Variants in CHID1 observed in about 807,000 individuals in gnomAD.
CHID1 encodes the protein chitinase domain containing 1.
Under a neutral mutation model 55.4 loss-of-function variants are expected in CHID1, and 44 were observed. The ratio of observed to expected loss-of-function variants is 0.79; its 90% CI spans 0.62 to 1.02. The LOEUF is 1.02. CHID1 is among the 50% of genes least tolerant of loss of function. The pLI is 0.00. For missense variants in CHID1, 491 were observed against 515.3 expected (o/e 0.95, Z 0.46); for synonymous variants, 216 against 212.9 (o/e 1.01, Z -0.13).
At chr11:873,121 A>T (rs1565160484) in intron 10 of CHID1, among the ~76,000 whole-genome samples, 1 of 152,240 alleles carries the variant, frequency 6.6e-6, no homozygotes, top group East Asian at 1.9e-4. Context: ...GTGTGTGCCC[A>T]GCTCCCAAAA....
chr11:900,882 C>T (rs1358193330), intron 5 of CHID1, 54 bp downstream of exon 5: 15 of 1,509,158 alleles, frequency 9.9e-6, no homozygotes, highest in African/African-American at 1.4e-5. Flanking sequence ...GCCCACCTGT[C>T]CACCCCCGCA....
At chr11:886,491 C>A (rs1306726697) in intron 8 of CHID1, among the ~76,000 whole-genome samples, 1 of 152,156 alleles carries the variant, frequency 6.6e-6, no homozygotes. Flanking sequence ...GTGCTTGTGT[C>A]CCCACAAATG....
intron 7 of CHID1, among the ~76,000 whole-genome samples, chr11:895,724 G>C (rs1200823385): frequency 6.6e-6 from 1 of 152,158 alleles, no homozygotes; most frequent in Non-Finnish European, 1.5e-5. Flanking sequence ...GCTGAGCCCA[G>C]TCTCGGGCCT....
chr11:893,402 C>T, intron 8 of CHID1, 25 bp downstream of exon 8: 2 of 1,538,376 alleles, frequency 1.3e-6, no homozygotes, highest in Admixed American at 2.0e-5. Flanking sequence ...CACAGCCACC[C>T]CCACATCTCA....
At chr11:884,045 G>A (rs760023779) in intron 9 of CHID1, 23 bp downstream of exon 9, 15 of 1,587,296 alleles carry the variant, frequency 9.5e-6, no homozygotes, top group South Asian at 2.2e-5. Flanking sequence ...CTGTGCCCAG[G>A]AGCCCCCCAA....
chr11:869,589 G>A lies in CHID1; in HGVS notation c.*269C>T, dbSNP rs1849030360. ...AGGCTGTCCTGGTGGGGCAGGTACT[G>A]TGGGCCCCGCCTGCCCAGCTGACAG... On this transcript the variant is annotated 3_prime_UTR_variant, in exon 13 of 13. Coordinates refer to ENST00000323578, the MANE Select transcript of CHID1 (RefSeq NM_023947.4). 1 of 564,842 alleles carries A rather than the reference G, an allele frequency of 1.8e-6. No homozygotes were observed. Among genetic ancestry groups the A allele is most frequent in the Non-Finnish European group, 3.2e-6 (1 of 315,522 alleles). The allele number at this position is 564,842 out of a possible 1,614,324, so 35.0% of individuals were successfully genotyped here.
chr11:914,310 T>A, upstream of CHID1: 1 of 223,826 alleles, frequency 4.5e-6, no homozygotes, highest in Non-Finnish European at 9.2e-6. Flanking sequence ...TTACCCGGGG[T>A]GGGTGTGGAG....
chr11:902,693 C>T (rs934045076), intron 3 of CHID1, among the ~76,000 whole-genome samples: 1 of 152,204 alleles, frequency 6.6e-6, no homozygotes, highest in East Asian at 1.9e-4. Context: ...CATCCACTTC[C>T]TGACCCCAGA....
At chr11:887,844 G>A (rs907552078) in intron 8 of CHID1, among the ~76,000 whole-genome samples, 1 of 152,178 alleles carries the variant, frequency 6.6e-6, no homozygotes, top group Non-Finnish European at 1.5e-5. Context: ...CCACCTCATG[G>A]CCTTGGCCAC....
intron 7 of CHID1, among the ~76,000 whole-genome samples, chr11:898,176 C>T (rs1851520272): frequency 6.6e-6 from 1 of 152,228 alleles, no homozygotes; most frequent in Non-Finnish European, 1.5e-5. Flanking sequence ...TGTCCCTTCC[C>T]TCCCTCAAGC....
chr11:883,570 C>T (rs1850163752), intron 9 of CHID1, among the ~76,000 whole-genome samples: 1 of 152,184 alleles, frequency 6.6e-6, no homozygotes, highest in African/African-American at 2.4e-5. Flanking sequence ...GATCACCCAT[C>T]AGAAAGGGCT....
Position 899,323 on chromosome 11 carries a change from C to A in CHID1, c.608+17G>T. ...GGCCAGGAGGAGGGCCACCCACCAC[C>A]ACCTGTGCCCACTCACACGCGCTTC... On this transcript the variant is annotated intron_variant, in intron 7 of 12. Coordinates refer to ENST00000323578, the MANE Select transcript of CHID1 (RefSeq NM_023947.4). The A allele has an allele frequency of 1.3e-6, 2 of 1,591,592 alleles. No homozygotes were observed. The highest frequency in any genetic ancestry group is 1.1e-5 in the South Asian group (1 of 87,520).
At chr11:899,228 G>A in intron 7 of CHID1, 112 bp downstream of exon 7, 1 of 1,032,410 alleles carries the variant, frequency 9.7e-7, no homozygotes, top group Non-Finnish European at 1.5e-6. Context: ...CCCACCCCAG[G>A]CACAGGGACT....
chr11:892,022 G>T (rs1211501183), intron 8 of CHID1, among the ~76,000 whole-genome samples: 1 of 152,152 alleles, frequency 6.6e-6, no homozygotes, highest in Non-Finnish European at 1.5e-5. Context: ...AGGCTGAGGT[G>T]GGGGATCACT....
intron 10 of CHID1, among the ~76,000 whole-genome samples, chr11:877,499 G>C (rs896384365): frequency 5.3e-5 from 8 of 152,178 alleles, no homozygotes; most frequent in African/African-American, 1.9e-4. Flanking sequence ...TCCTGCCTTA[G>C]CCCCACAAAG....
intron 1 of CHID1, among the ~76,000 whole-genome samples, chr11:905,645 G>A (rs1356543887): frequency 6.6e-6 from 1 of 151,932 alleles, no homozygotes; most frequent in Non-Finnish European, 1.5e-5. Context: ...ACTCCAGCCT[G>A]GGGACAGAGC....
At chr11:870,570 G>C (rs1350256756) in intron 10 of CHID1, 71 bp from the exon 11 acceptor site, 16 of 1,155,206 alleles carry the variant, frequency 1.4e-5, no homozygotes, top group Non-Finnish European at 2.0e-5. Context: ...ACCCCCAAAG[G>C]CTGTGGCTCT....
At chr11:914,584 G>A (rs766568743), upstream of CHID1, 11 of 1,289,096 alleles carry the variant, frequency 8.5e-6, no homozygotes, top group Non-Finnish European at 1.0e-5. Flanking sequence ...AAAAGCACTC[G>A]AAGGCTGGGA....
At chr11:886,099 C>T (rs1474428459) in intron 8 of CHID1, among the ~76,000 whole-genome samples, 2 of 144,706 alleles carry the variant, frequency 1.4e-5, no homozygotes, top group East Asian at 2.0e-4. Flanking sequence ...TACAGTGAGC[C>T]GAGATCGTGC....
Sources: allele counts gnomAD v4.1 joint callset (sites outside exome capture counted in the v4.1 genomes callset), GRCh38; gene constraint gnomAD v4.1.1; transcripts MANE v1.5; gene names NCBI Gene and HGNC (gene_info 2026-07-23, HGNC 2026-07-21).